DGKB: variants seen among roughly 807,000 people sequenced by gnomAD.
DGKB encodes 90 kDa diacylglycerol kinase.
In DGKB, 67 loss-of-function variants were observed where a neutral mutation model predicts 114.3. That is an observed-to-expected ratio of 0.59 (90% CI 0.48 to 0.72). The LOEUF (loss-of-function observed/expected upper bound fraction) is 0.72, where lower values mean the gene tolerates loss of function less well. Among genes scored for constraint, DGKB ranks in the 30% least tolerant of loss-of-function variants. The pLI is 0.00. For synonymous variants in DGKB, 398 were observed against 323.1 expected (o/e 1.23, Z -2.49); for missense variants, 907 against 975.2 (o/e 0.93, Z 0.93).
At chr7:14,590,198 C>T (rs1801478119) in intron 17 of DGKB, among the ~76,000 whole-genome samples, 1 of 151,746 alleles carries the variant, frequency 6.6e-6, no homozygotes, top group Non-Finnish European at 1.5e-5. Context: ...AGTCTTACAT[C>T]ATTGTTTAAA....
At chr7:14,464,806 A>G (rs1056614383) in intron 21 of DGKB, among the ~76,000 whole-genome samples, 15 of 152,188 alleles carry the variant, frequency 9.9e-5, no homozygotes, top group African/African-American at 3.4e-4. Context: ...TTTTTAAAAT[A>G]TATGAAGGTT....
chr7:14,964,577 A>G (rs1212771591), intron 1 of DGKB, among the ~76,000 whole-genome samples: 1 of 152,316 alleles, frequency 6.6e-6, no homozygotes, highest in East Asian at 1.9e-4. Flanking sequence ...AGTAAAGGCC[A>G]GTAAATCAAT....
chr7:14,833,520 A>G (rs1315130818), intron 2 of DGKB, among the ~76,000 whole-genome samples: 1 of 152,126 alleles, frequency 6.6e-6, no homozygotes, highest in Non-Finnish European at 1.5e-5. Flanking sequence ...CATCTCCACA[A>G]GGAAAGGGGA....
At chr7:14,371,863 C>T (rs1240357106) in intron 21 of DGKB, among the ~76,000 whole-genome samples, 1 of 152,138 alleles carries the variant, frequency 6.6e-6, no homozygotes, top group East Asian at 1.9e-4. Flanking sequence ...GAGGTATTTT[C>T]CACAGTTCTG....
chr7:14,152,805 A>T (rs2128214427), intron 25 of DGKB, among the ~76,000 whole-genome samples: 1 of 152,208 alleles, frequency 6.6e-6, no homozygotes, highest in African/African-American at 2.4e-5. Flanking sequence ...GATAGTTGTG[A>T]TAGTTCCACC....
chr7:14,679,730 G>T (rs1218054444), intron 12 of DGKB, among the ~76,000 whole-genome samples: 1 of 151,934 alleles, frequency 6.6e-6, no homozygotes, highest in Non-Finnish European at 1.5e-5. Flanking sequence ...ACATTCAGTT[G>T]TTTAAAGGCA....
chr7:14,788,589 C>T (rs1486959970), intron 2 of DGKB, among the ~76,000 whole-genome samples: 3 of 152,158 alleles, frequency 2.0e-5, no homozygotes, highest in Non-Finnish European at 2.9e-5. Flanking sequence ...AGGTAACAGA[C>T]AACTATGGGT....
chr7:14,176,952 G>A (rs1432646440), intron 24 of DGKB, 53 bp from the exon 25 acceptor site: 1 of 1,604,162 alleles, frequency 6.2e-7, no homozygotes, highest in Non-Finnish European at 8.5e-7. Context: ...TTATATTACA[G>A]ACTATATGTG....
chr7:14,263,715 G>T (rs1004108183), intron 23 of DGKB, among the ~76,000 whole-genome samples: 2 of 152,116 alleles, frequency 1.3e-5, no homozygotes, highest in East Asian at 1.9e-4. Flanking sequence ...AAAGTTAAAG[G>T]CAAGATCTTC....
intron 4 of DGKB, among the ~76,000 whole-genome samples, chr7:14,750,933 A>G (rs988006823): frequency 6.7e-6 from 1 of 150,080 alleles, no homozygotes; most frequent in Admixed American, 6.7e-5. Context: ...CCTCCCAAGT[A>G]TCTGAGACTA....
At chr7:14,683,221 G>C (rs1372538579) in intron 10 of DGKB, among the ~76,000 whole-genome samples, 1 of 152,090 alleles carries the variant, frequency 6.6e-6, no homozygotes, top group Non-Finnish European at 1.5e-5. Flanking sequence ...CAAAGTATAG[G>C]CATGAGAGCA....
At chr7:14,528,345 C>T (rs564373507) in intron 20 of DGKB, among the ~76,000 whole-genome samples, 16 of 152,140 alleles carry the variant, frequency 1.1e-4, no homozygotes, top group African/African-American at 3.1e-4. Context: ...AAATCACCCA[C>T]GATGCCTTAC....
intron 9 of DGKB, 107 bp downstream of exon 9, chr7:14,693,968 T>C (rs1265208232): frequency 9.8e-6 from 13 of 1,330,812 alleles, no homozygotes; most frequent in Admixed American, 2.5e-5. Flanking sequence ...AGGCACTCAC[T>C]GCATGCTTAA....
chr7:14,232,204 T>C (rs1158044325), intron 23 of DGKB, among the ~76,000 whole-genome samples: 4 of 151,916 alleles, frequency 2.6e-5, no homozygotes, highest in Admixed American at 2.6e-4. Context: ...AGATTAGACA[T>C]TCACGCTCCC....
chr7:14,568,980 G>C (rs1053283059), intron 20 of DGKB, among the ~76,000 whole-genome samples: 1 of 152,188 alleles, frequency 6.6e-6, no homozygotes, highest in Non-Finnish European at 1.5e-5. Context: ...ATAGCATAAA[G>C]TTGAGATGCA....
At chr7:14,407,728 A>T (rs1824176281) in intron 21 of DGKB, among the ~76,000 whole-genome samples, 1 of 152,092 alleles carries the variant, frequency 6.6e-6, no homozygotes, top group African/African-American at 2.4e-5. Context: ...TTTGGTTAAG[A>T]CAGAGTAAAT....
chr7:14,300,293 C>T (rs534848068), intron 23 of DGKB, among the ~76,000 whole-genome samples: 1 of 152,104 alleles, frequency 6.6e-6, no homozygotes, highest in African/African-American at 2.4e-5. Context: ...TTTCCCTCAT[C>T]AATCTGACTT....
At chr7:14,904,219 T>TACAC (rs10624589), upstream of DGKB, among the ~76,000 whole-genome samples, 1,259 of 150,852 alleles carry the variant, frequency 8.3e-3, 22 homozygotes, top group Admixed American at 0.028. Context: ...CCCTCCTAAA[T>TACAC]ACACACACAC....
At chr7:14,747,779 G>GCACACACA (rs11276008) in intron 4 of DGKB, among the ~76,000 whole-genome samples, 3 of 148,502 alleles carry the variant, frequency 2.0e-5, no homozygotes, top group African/African-American at 4.9e-5. Flanking sequence ...CCACGCGCAC[G>GCACACACA]CACACACACA....
Sources: allele counts gnomAD v4.1 joint callset (sites outside exome capture counted in the v4.1 genomes callset), GRCh38; gene constraint gnomAD v4.1.1; transcripts MANE v1.5; gene names NCBI Gene and HGNC (gene_info 2026-07-23, HGNC 2026-07-21).